MALRD1: variants seen among roughly 807,000 people sequenced by gnomAD.
The protein encoded by MALRD1 is MAM and LDL-receptor class A domain-containing protein 1.
MALRD1 carries 247 observed loss-of-function variants against 242.1 expected under a neutral mutation model. The observed-to-expected ratio is 1.02, with a 90% CI of 0.92 to 1.13. The LOEUF (loss-of-function observed/expected upper bound fraction) is 1.13. Ranked by LOEUF, MALRD1 falls within the 50% of genes most tolerant of loss-of-function variation. The pLI, the probability that MALRD1 is intolerant of heterozygous loss-of-function variation, is 0.00. For synonymous variants in MALRD1, 995 were observed against 866.6 expected, an observed-to-expected ratio of 1.15 and a Z score of -2.60; for missense variants, 2,989 against 2,533.1, an observed-to-expected ratio of 1.18 and a Z score of -3.86.
At chr10:19,099,774 T>A (rs981557692) in intron 4 of MALRD1, among the ~76,000 whole-genome samples, 5 of 149,084 alleles carry the variant, frequency 3.4e-5, no homozygotes, top group African/African-American at 1.2e-4. Flanking sequence ...TTTTTTTTAA[T>A]TTTTTTTGCC....
intron 19 of MALRD1, among the ~76,000 whole-genome samples, chr10:19,276,585 T>C (rs1840538258): frequency 1.3e-5 from 2 of 152,218 alleles, no homozygotes; most frequent in South Asian, 2.1e-4. Flanking sequence ...AGCGAATTTT[T>C]CTTTCTCTGA....
At chr10:19,261,652 C>T (rs1839756670) in intron 19 of MALRD1, among the ~76,000 whole-genome samples, 1 of 151,936 alleles carries the variant, frequency 6.6e-6, no homozygotes, top group South Asian at 2.1e-4. Context: ...GTCACATACA[C>T]ACAAACCAAA....
At chr10:19,342,004 C>T (rs898098386) in intron 24 of MALRD1, among the ~76,000 whole-genome samples, 1 of 151,976 alleles carries the variant, frequency 6.6e-6, no homozygotes, top group South Asian at 2.1e-4. Context: ...AACTATATAG[C>T]GTTCTCTAAT....
At chr10:19,583,542 A>G (rs1837235485) in intron 33 of MALRD1, among the ~76,000 whole-genome samples, 4 of 151,388 alleles carry the variant, frequency 2.6e-5, no homozygotes, top group African/African-American at 7.3e-5. Context: ...ATTTGCGTAT[A>G]TTGAACCAGC....
intron 19 of MALRD1, among the ~76,000 whole-genome samples, chr10:19,273,916 C>A (rs1840376293): frequency 6.6e-6 from 1 of 151,998 alleles, no homozygotes; most frequent in Non-Finnish European, 1.5e-5. Context: ...AAATGGAAAT[C>A]AAAACCACAA....
intron 38 of MALRD1, among the ~76,000 whole-genome samples, chr10:19,722,927 C>T (rs1320105973): frequency 6.6e-6 from 1 of 152,136 alleles, no homozygotes; most frequent in Non-Finnish European, 1.5e-5. Flanking sequence ...TACTAATCAA[C>T]TTAGTAAGTC....
At chr10:19,244,595 A>G (rs1346381324) in intron 18 of MALRD1, among the ~76,000 whole-genome samples, 1 of 152,012 alleles carries the variant, frequency 6.6e-6, no homozygotes, top group East Asian at 1.9e-4. Flanking sequence ...GTGAGATTTG[A>G]TTTCTATTTC....
chr10:19,668,908 A>G (rs1343604729), intron 36 of MALRD1, among the ~76,000 whole-genome samples: 2 of 152,202 alleles, frequency 1.3e-5, no homozygotes, highest in African/African-American at 2.4e-5. Flanking sequence ...AGAAAATGGT[A>G]AAATAAATAA....
At chr10:19,490,642 C>A (rs1837449874) in intron 29 of MALRD1, among the ~76,000 whole-genome samples, 1 of 152,004 alleles carries the variant, frequency 6.6e-6, no homozygotes, top group Non-Finnish European at 1.5e-5. Flanking sequence ...GAAAAATTGG[C>A]TTATGAATAA....
chr10:19,535,014 T>C (rs1834597569), intron 32 of MALRD1, among the ~76,000 whole-genome samples: 1 of 151,944 alleles, frequency 6.6e-6, no homozygotes, highest in Admixed American at 6.6e-5. Context: ...GCTTCCGGAG[T>C]AGCTGGGATT....
intron 32 of MALRD1, among the ~76,000 whole-genome samples, chr10:19,543,503 G>T (rs781368602): frequency 1.8e-4 from 25 of 139,874 alleles, no homozygotes; most frequent in Middle Eastern, 4.5e-3. Context: ...CCAACTGCTG[G>T]ACTCATGCTG....
intron 24 of MALRD1, among the ~76,000 whole-genome samples, chr10:19,337,448 A>T (rs1448830384): frequency 6.6e-6 from 1 of 152,100 alleles, no homozygotes; most frequent in African/African-American, 2.4e-5. Context: ...CATCCTAGGG[A>T]GTATGAAGTG....
At chr10:19,480,043 G>A (rs1044497770) in intron 29 of MALRD1, among the ~76,000 whole-genome samples, 2 of 152,288 alleles carry the variant, frequency 1.3e-5, no homozygotes, top group Middle Eastern at 3.4e-3. Flanking sequence ...CTATAGAAAC[G>A]TGACCACAGG....
At chr10:19,282,970 G>T (rs1431428508) in intron 20 of MALRD1, 49 bp from the exon 21 acceptor site, 1 of 1,391,276 alleles carries the variant, frequency 7.2e-7, no homozygotes, top group Non-Finnish European at 9.6e-7. Flanking sequence ...TGTACAGATA[G>T]AAACTGCCAC....
chr10:19,397,301 T>C (rs1227573571), intron 28 of MALRD1, among the ~76,000 whole-genome samples: 1 of 152,152 alleles, frequency 6.6e-6, no homozygotes, highest in African/African-American at 2.4e-5. Context: ...TTCTATGAGA[T>C]ACATGTTTTT....
At chr10:19,341,764 G>C (rs566808947) in intron 24 of MALRD1, among the ~76,000 whole-genome samples, 30 of 152,020 alleles carry the variant, frequency 2.0e-4, no homozygotes, top group African/African-American at 6.0e-4. Context: ...AACGATATGC[G>C]ATGTAACTGA....
At chr10:19,522,731 T>G (rs1199867256) in intron 31 of MALRD1, among the ~76,000 whole-genome samples, 1 of 152,192 alleles carries the variant, frequency 6.6e-6, no homozygotes, top group Non-Finnish European at 1.5e-5. Flanking sequence ...ATGATAAATA[T>G]GAGACATAGT....
At chr10:19,405,414 A>G (rs1847049527) in intron 28 of MALRD1, among the ~76,000 whole-genome samples, 1 of 152,142 alleles carries the variant, frequency 6.6e-6, no homozygotes, top group African/African-American at 2.4e-5. Flanking sequence ...GCAACTTCCA[A>G]CAATAGTTTT....
intron 36 of MALRD1, among the ~76,000 whole-genome samples, chr10:19,673,479 C>A (rs921827191): frequency 1.3e-5 from 2 of 152,184 alleles, no homozygotes; most frequent in Admixed American, 6.5e-5. Context: ...AATGCTGCAG[C>A]ACCATATACT....
Sources: allele counts gnomAD v4.1 joint callset (sites outside exome capture counted in the v4.1 genomes callset), GRCh38; gene constraint gnomAD v4.1.1; transcripts MANE v1.5; gene names NCBI Gene and HGNC (gene_info 2026-07-23, HGNC 2026-07-21).